The following SFI1 variants were observed in gnomAD, a reference collection of about 807,000 sequenced individuals.
SFI1 encodes the protein protein SFI1 homolog.
SFI1 carries 195 observed loss-of-function variants against 207.5 expected under a neutral mutation model. The ratio of observed to expected loss-of-function variants is 0.94; its 90% confidence interval spans 0.84 to 1.06. The LOEUF is 1.06. Ranked by LOEUF, SFI1 falls within the 50% of genes least tolerant of loss-of-function variation. The pLI, the probability that SFI1 is intolerant of heterozygous loss-of-function variation, is 0.00. For missense variants in SFI1, 1,634 were observed against 1,588.0 expected (o/e 1.03, Z -0.49); for synonymous variants, 630 against 598.9 (o/e 1.05, Z -0.76).
chr22:31,581,940 AT>A (rs1232205467), intron 12 of SFI1, among the ~76,000 whole-genome samples: 1 of 151,814 alleles, frequency 6.6e-6, no homozygotes, highest in Non-Finnish European at 1.5e-5. Context: ...ACATTTTCTT[AT>A]GTAACGACAA....
At chr22:31,522,990 A>G (rs1158334044) in intron 2 of SFI1, among the ~76,000 whole-genome samples, 1 of 152,120 alleles carries the variant, frequency 6.6e-6, no homozygotes, top group Non-Finnish European at 1.5e-5. Context: ...TTCCATTGTG[A>G]ACTGTACGCC....
rs753868573 is a variant in SFI1 at position 31,604,371 on chromosome 22, C to T, written c.1944C>T (p.His648=). Residue 648 remains histidine (H), a synonymous_variant, in exon 19 of 33, where the codon CAC becomes CAT. Coordinates refer to ENST00000400288, the MANE Select transcript of SFI1 (RefSeq NM_001007467.3). ...KLMRADLHHQ[H]SVLHRALQAW... is the part of the protein sequence containing the mutation. The stretch of plus-strand genomic sequence containing the variant: ...TGCGAGCAGACCTGCACCACCAGCA[C>T]AGCGTGCTGCACAGGGCGCTGCAGG... The T allele has an allele frequency of 9.5e-6, 15 of 1,572,168 alleles. No homozygotes were observed. The highest frequency in any genetic ancestry group is 1.2e-5 in the Non-Finnish European group (14 of 1,161,406).
chr22:31,607,879 G>T, intron 21 of SFI1, 58 bp from the exon 22 acceptor site: 1 of 1,517,772 alleles, frequency 6.6e-7, no homozygotes, highest in Non-Finnish European at 9.1e-7. Context: ...CAGACCTGGG[G>T]TGGACCCGGA....
At chr22:31,528,067 C>T (rs537181075) in intron 2 of SFI1, among the ~76,000 whole-genome samples, 31 of 152,016 alleles carry the variant, frequency 2.0e-4, no homozygotes, top group South Asian at 4.2e-4. Flanking sequence ...GAGCTGAGAT[C>T]GCGCCACTGC....
chr22:31,598,741 A>C (rs1305738795), intron 15 of SFI1, among the ~76,000 whole-genome samples: 1 of 8,716 alleles, frequency 1.1e-4, no homozygotes, highest in African/African-American at 3.7e-4. Context: ...TTTTTTTTTG[A>C]TGAGCAGAAG....
At position 31,611,315 on chromosome 22, in the gene SFI1, G is replaced by T. The variant is rs762020920; in HGVS notation, c.2415+12G>T. On this transcript the variant is annotated intron_variant, in intron 23 of 32. Transcript: ENST00000400288. ...GTGTCAGGAAGAGGGTGAGGCTGACGGTGGCAACTCTCCAAGTTCTGCCTG... is the reference window on the plus strand; with the variant it reads ...GTGTCAGGAAGAGGGTGAGGCTGACTGTGGCAACTCTCCAAGTTCTGCCTG... 1.3e-6 allele frequency: 2 copies of T among 1,578,172 alleles called. No individual in the cohort carries two copies. Among genetic ancestry groups the T allele is most frequent in the South Asian group, 1.2e-5 (1 of 86,706 alleles).
chr22:31,615,343 T>C, intron 29 of SFI1, 64 bp downstream of exon 29: 1 of 1,351,826 alleles, frequency 7.4e-7, no homozygotes, highest in Non-Finnish European at 9.7e-7. Flanking sequence ...TCTGGTGCTT[T>C]CTCATGCCAC....
At chr22:31,499,266 C>T (rs1473448147) in intron 1 of SFI1, among the ~76,000 whole-genome samples, 3 of 152,136 alleles carry the variant, frequency 2.0e-5, no homozygotes, top group Non-Finnish European at 4.4e-5. Context: ...TCCCAAAGTG[C>T]TCACCACAAC....
intron 8 of SFI1, among the ~76,000 whole-genome samples, chr22:31,564,432 G>A (rs1199651377): frequency 6.7e-6 from 1 of 150,292 alleles, no homozygotes; most frequent in Non-Finnish European, 1.5e-5. Flanking sequence ...AAAATTAGCA[G>A]ATAGCCAAGT....
chr22:31,545,581 T>TC (rs1569269403), intron 4 of SFI1, among the ~76,000 whole-genome samples: 2 of 151,010 alleles, frequency 1.3e-5, no homozygotes, highest in African/African-American at 4.9e-5. Context: ...TTTAATTTAA[T>TC]TTAATTTTAT....
intron 2 of SFI1, among the ~76,000 whole-genome samples, chr22:31,524,647 C>T (rs969729098): frequency 2.6e-5 from 4 of 151,254 alleles, no homozygotes; most frequent in East Asian, 1.9e-4. Flanking sequence ...ATTCCTGGAC[C>T]GAAGCCATCT....
chr22:31,610,903 G>T (rs1052092499), intron 22 of SFI1, among the ~76,000 whole-genome samples: 8 of 152,254 alleles, frequency 5.3e-5, no homozygotes, highest in Non-Finnish European at 1.2e-4. Flanking sequence ...TCAGAGGGCT[G>T]TTGGGGAGCA....
In SFI1 at chr22:31,618,223, A is replaced by G; in HGVS notation, c.3621A>G (p.Glu1207=). 6.3e-7 allele frequency: 1 copy of G among 1,596,216 alleles called. No homozygotes were observed. Among genetic ancestry groups the G allele is most frequent in the Non-Finnish European group, 8.5e-7 (1 of 1,172,984 alleles). The change falls in exon 32 of 33, where the codon GAA becomes GAG. Residue 1207 remains glutamate, a synonymous_variant. Transcript: ENST00000400288. The part of the protein sequence containing the change: ...EVEQQVQKEL[E]QVEMQIQLLA... ...AGCAGCAGGTGCAGAAAGAGCTGGA[A>G]CAGGTGAGGCCCCAGGCCATCCCCA...
intron 31 of SFI1, 139 bp from the exon 32 acceptor site, chr22:31,617,976 G>A (rs902499808): frequency 3.3e-6 from 3 of 912,788 alleles, no homozygotes; most frequent in Non-Finnish European, 1.6e-6. Context: ...GGGGCCTGCA[G>A]TTCAGGTCAG....
At position 31,616,818 on chromosome 22, in the gene SFI1, A is replaced by G; in HGVS notation, c.3374A>G (p.His1125Arg). ...TCCCTGGCCAGTGTCCCTGACCCCC[A>G]TCTACTCCTTCCTGGGGACTTCTCA... ...PSSLASVPDP[H>R]LLLPGDFSAT... Residue 1125 changes from histidine to arginine, a missense_variant, in exon 30 of 33, where the codon CAT becomes CGT. Physicochemically the swap from His to Arg is conservative, Grantham distance 29 (BLOSUM62 0). Coordinates refer to ENST00000400288, the MANE Select transcript of SFI1 (RefSeq NM_001007467.3). 1 of 1,612,634 alleles carries G rather than the reference A, an allele frequency of 6.2e-7. No individual in the cohort carries two copies. The highest frequency in any genetic ancestry group is 8.5e-7 in the Non-Finnish European group (1 of 1,179,296).
At chr22:31,541,991 C>G (rs2059559076) in intron 4 of SFI1, among the ~76,000 whole-genome samples, 1 of 150,778 alleles carries the variant, frequency 6.6e-6, no homozygotes. Flanking sequence ...GTCCCAGCTA[C>G]TCCGGAGGCT....
At position 31,499,774 on chromosome 22, in the gene SFI1, A is replaced by G. The variant is rs944727804; in HGVS notation, c.-31+3137A>G. On this transcript the variant is annotated intron_variant, in intron 1 of 32. Transcript: ENST00000400288. The stretch of plus-strand genomic sequence containing the variant: ...GAGGCTGAGGCGGGCGGATTACCTG[A>G]GGTCAGGAGTTCGAGACCAGTCTGG... Among the ~76,000 whole-genome samples the G allele has an allele frequency of 2.6e-5, 4 of 151,802 alleles. No homozygotes were observed. In the East Asian group the frequency reaches 7.7e-4, roughly 29 times the overall value.
At chr22:31,532,019 C>T (rs950045148) in intron 4 of SFI1, among the ~76,000 whole-genome samples, 1 of 151,964 alleles carries the variant, frequency 6.6e-6, no homozygotes, top group African/African-American at 2.4e-5. Flanking sequence ...CGAGATCGCG[C>T]CATTGCACTC....
rs543775849 is a variant in SFI1 at position 31,612,052 on chromosome 22, C to T, written c.2490+212C>T. The T allele has an allele frequency of 9.6e-6, 13 of 1,359,116 alleles. No homozygotes were observed. The African/African-American group carries it at 1.2e-4, about 12-fold the overall frequency. The allele number at this position is 1,359,116 out of a possible 1,614,324, so 84.2% of individuals were successfully genotyped here. A position where few individuals can be genotyped will look rare whatever the true frequency, so the allele number is the denominator to read the frequency against. Reference sequence around the variant, plus strand: ...TGCATAAGAACAGTTACTTCAAGGCCAGTTTCTCTCTCTACAGTGTTGTAT... The same window carrying T: ...TGCATAAGAACAGTTACTTCAAGGCTAGTTTCTCTCTCTACAGTGTTGTAT... On this transcript the variant is annotated intron_variant, in intron 24 of 32. Transcript: ENST00000400288.
Sources: gnomAD v4.1 joint callset for allele counts (sites outside exome capture counted in the v4.1 genomes callset) on GRCh38, gnomAD v4.1.1 for gene constraint, MANE v1.5 for transcripts, NCBI Gene and HGNC (gene_info 2026-07-23, HGNC 2026-07-21) for gene names.